Variants in FUT2 observed in about 807,000 individuals in gnomAD.
FUT2 encodes galactoside alpha-(1,2)-fucosyltransferase 2.
For synonymous variants in FUT2, 182 were observed against 193.1 expected (o/e 0.94, Z 0.48); for missense variants, 419 against 465.8 (o/e 0.90, Z 0.93).
rs769066190 is a variant in FUT2, at chr19:48,703,123, G to A, written c.167G>A (p.Gly56Glu). 1.9e-6 allele frequency: 3 copies of A among 1,613,352 alleles called. No individual in the cohort carries two copies. The highest frequency in any genetic ancestry group is 2.5e-6 in the Non-Finnish European group (3 of 1,180,028). Reference protein sequence around the residue: ...PVLASTSKALGPSQLRGMWTI... With the variant: ...PVLASTSKALEPSQLRGMWTI... ...CTAGCCTCAACATCAAAGGCACTGG[G>A]ACCCAGCCAGCTCAGGGGGATGTGG... is the stretch of plus-strand genomic sequence containing the variant. The change falls in exon 2 of 2, where the codon GGA becomes GAA. Residue 56 changes from glycine to glutamate, a missense_variant. Coordinates refer to ENST00000425340, the MANE Select transcript of FUT2 (RefSeq NM_000511.6).
In FUT2 at chr19:48,703,277, C is replaced by T; in HGVS notation, c.321C>T (p.Phe107=). ...TGCACAGCACCCTGGCCCCCATCTT[C>T]AGAATCACCCTGCCGGTGCTGCACA... ...AQMHSTLAPI[F]RITLPVLHSA... Residue 107 remains phenylalanine (F), a synonymous_variant, in exon 2 of 2, where the codon TTC becomes TTT. Transcript: ENST00000425340. 1.2e-6 allele frequency: 2 copies of T among 1,613,082 alleles called. No individual in the cohort carries two copies. The highest frequency in any genetic ancestry group is 1.7e-6 in the Non-Finnish European group (2 of 1,180,032).
At chr19:48,702,893 G>C in intron 1 of FUT2, 62 bp from the exon 2 acceptor site, 1 of 1,538,954 alleles carries the variant, frequency 6.5e-7, no homozygotes, top group Admixed American at 1.7e-5. Context: ...GCATGGCCAC[G>C]TTCACCAGCG....
At chr19:48,700,152 CAAAAAAAAAAAA>C (rs923397801) in intron 1 of FUT2, among the ~76,000 whole-genome samples, 9 of 45,300 alleles carry the variant, frequency 2.0e-4, no homozygotes, top group African/African-American at 4.9e-4. Context: ...GACTCCATCT[CAAAAAAAAAAAA>C]AAAAAAAAAA....
chr19:48,698,023 G>T (rs1237962238), intron 1 of FUT2, among the ~76,000 whole-genome samples: 1 of 129,122 alleles, frequency 7.7e-6, no homozygotes, highest in African/African-American at 2.9e-5. Context: ...TTTTTGAGAC[G>T]GAGTCTCACT....
rs1015199552 is a variant in FUT2, at chr19:48,697,912, T to A, written c.-3+1823T>A. 9.9e-5 allele frequency among the ~76,000 whole-genome samples: 15 copies of A among 151,822 alleles called. No homozygotes were observed. The East Asian group carries it at 2.9e-3, about 30-fold the overall frequency. On this transcript the variant is annotated intron_variant, in intron 1 of 1. Coordinates refer to ENST00000425340, the MANE Select transcript of FUT2 (RefSeq NM_000511.6). Reference sequence around the variant, plus strand: ...TTTCACCATATTAGTCAGGCTGGTCTCGAACTCCTGACCTCAGGTGATCCA... The same window carrying A: ...TTTCACCATATTAGTCAGGCTGGTCACGAACTCCTGACCTCAGGTGATCCA...
chr19:48,703,818 A>T lies in FUT2; in HGVS notation c.862A>T (p.Ile288Phe). 6.2e-7 allele frequency: 1 copy of T among 1,613,588 alleles called. No individual in the cohort carries two copies. Among genetic ancestry groups the T allele is most frequent in the Non-Finnish European group, 8.5e-7 (1 of 1,179,996 alleles). Residue 288 changes from isoleucine to phenylalanine, a missense_variant, in exon 2 of 2, where the codon ATT (isoleucine) becomes TTT (phenylalanine). By Grantham distance (21) the Ile-to-Phe change is conservative (BLOSUM62 0). Transcript: ENST00000425340. ...ACAGTGTAACCACACCATCATGACC[A>T]TTGGGACGTTCGGGATCTGGGCCGC... ...LTQCNHTIMT[I>F]GTFGIWAAYL...
chr19:48,704,995 C>T lies in FUT2; in HGVS notation c.*1007C>T, dbSNP rs929198875. Reference sequence around the variant, plus strand: ...GTGTAGGTTGTTCACTGCAGGAAGTCCCCTGGTTAAGAAGGCAAGTGGGGT... The same window carrying T: ...GTGTAGGTTGTTCACTGCAGGAAGTTCCCTGGTTAAGAAGGCAAGTGGGGT... On this transcript the variant is annotated 3_prime_UTR_variant, in exon 2 of 2. Coordinates refer to ENST00000425340, the MANE Select transcript of FUT2 (RefSeq NM_000511.6). 1 of 410,688 alleles carries T rather than the reference C, an allele frequency of 2.4e-6. No homozygotes were observed. The highest frequency in any genetic ancestry group is 4.4e-6 in the Non-Finnish European group (1 of 225,190). The allele number at this position is 410,688 out of a possible 1,614,324, so 25.4% of individuals were successfully genotyped here. A position where few individuals can be genotyped will look rare whatever the true frequency, so the allele number is the denominator to read the frequency against.
rs763569272 is a variant in FUT2, at chr19:48,703,523, G to A, written c.567G>A (p.Gly189=). The A allele has an allele frequency of 1.1e-5, 18 of 1,613,070 alleles. 1 individual carries two copies. The highest frequency in any genetic ancestry group is 4.5e-5 in the East Asian group (2 of 44,888). The part of the protein sequence containing the change: ...QKFLRGLQVN[G]SRPGTFVGVH... ...TCCTGCGGGGCCTGCAGGTGAACGG[G>A]AGCCGGCCGGGCACCTTTGTAGGGG... The change falls in exon 2 of 2, where the codon GGG becomes GGA. Residue 189 remains glycine (G), a synonymous_variant. Coordinates refer to ENST00000425340, the MANE Select transcript of FUT2 (RefSeq NM_000511.6).
In FUT2 at chr19:48,705,461, GT is replaced by G. The variant is rs1316048133; in HGVS notation, c.*1476del. Reference sequence around the variant, plus strand: ...CATCTGGAAGTGGAGCCTTTTTCCAGTTTGCACAAATGTGCCATATTGGCTT... The same window carrying G: ...CATCTGGAAGTGGAGCCTTTTTCCAGTTGCACAAATGTGCCATATTGGCTT... On this transcript the variant is annotated 3_prime_UTR_variant, in exon 2 of 2. Coordinates refer to ENST00000425340, the MANE Select transcript of FUT2 (RefSeq NM_000511.6). 2 of 166,986 alleles carry G rather than the reference GT, an allele frequency of 1.2e-5. No homozygotes were observed. Among genetic ancestry groups the G allele is most frequent in the African/African-American group, 4.8e-5 (2 of 41,424 alleles). 10.3% of individuals were successfully genotyped at this position (166,986 alleles called of 1,614,324 possible).
Position 48,704,993 on chromosome 19 carries a change from G to A in FUT2, c.*1005G>A, listed in dbSNP as rs28362843. On this transcript the variant is annotated 3_prime_UTR_variant, in exon 2 of 2. Coordinates refer to ENST00000425340, the MANE Select transcript of FUT2 (RefSeq NM_000511.6). Reference sequence around the variant, plus strand: ...TTGTGTAGGTTGTTCACTGCAGGAAGTCCCCTGGTTAAGAAGGCAAGTGGG... The same window carrying A: ...TTGTGTAGGTTGTTCACTGCAGGAAATCCCCTGGTTAAGAAGGCAAGTGGG... The A allele has an allele frequency of 1.3e-3, 525 of 409,592 alleles. 4 individuals are homozygous for A. Among genetic ancestry groups the A allele is most frequent in the African/African-American group, 9.8e-3 (474 of 48,588 alleles). 25.4% of individuals were successfully genotyped at this position (409,592 alleles called of 1,614,324 possible). A position where few individuals can be genotyped will look rare whatever the true frequency, so the allele number is the denominator to read the frequency against.
chr19:48,697,807 T>A (rs540318080), intron 1 of FUT2, among the ~76,000 whole-genome samples: 1 of 151,866 alleles, frequency 6.6e-6, no homozygotes, highest in South Asian at 2.1e-4. Flanking sequence ...CGATTCTCCT[T>A]CCTCAGCCTC....
At chr19:48,701,776 C>A (rs925285244) in intron 1 of FUT2, among the ~76,000 whole-genome samples, 1 of 151,832 alleles carries the variant, frequency 6.6e-6, no homozygotes, top group Non-Finnish European at 1.5e-5. Context: ...AGAAAGATCA[C>A]GAGGTCAGGA....
intron 1 of FUT2, among the ~76,000 whole-genome samples, chr19:48,701,885 C>A (rs1042503226): frequency 1.3e-5 from 2 of 151,798 alleles, no homozygotes; most frequent in Admixed American, 1.3e-4. Context: ...CCCAGCTACT[C>A]AGGAGGCTGA....
In FUT2 at chr19:48,696,008, G is replaced by A. The variant is rs899978956; in HGVS notation, c.-84G>A. ...TGGAAGGGTTTCTTTGGCCCTGAGT[G>A]AAGAGAGACCCAGAGGGAACACTGA... is the stretch of plus-strand genomic sequence containing the variant. On this transcript the variant is annotated 5_prime_UTR_variant, in exon 1 of 2. Transcript: ENST00000425340. 1 of 152,462 alleles carries A rather than the reference G, an allele frequency of 6.6e-6. No homozygotes were observed. The highest frequency in any genetic ancestry group is 2.4e-5 in the African/African-American group (1 of 41,442). The allele number at this position is 152,462 out of a possible 1,614,324, so 9.4% of individuals were successfully genotyped here. A position where few individuals can be genotyped will look rare whatever the true frequency, so the allele number is the denominator to read the frequency against.
Position 48,703,602 on chromosome 19 carries a change from G to T in FUT2, c.646G>T (p.Val216Leu). The part of the protein sequence containing the change: ...VHVMPKVWKG[V>L]VADRRYLQQA... ...TGTCATGCCAAAAGTGTGGAAGGGG[G>T]TGGTGGCCGACCGGCGATACCTACA... is the stretch of plus-strand genomic sequence containing the variant. Residue 216 changes from valine to leucine, a missense_variant, in exon 2 of 2, where the codon GTG becomes TTG. Coordinates refer to ENST00000425340, the MANE Select transcript of FUT2 (RefSeq NM_000511.6). The T allele has an allele frequency of 4.3e-6, 7 of 1,613,520 alleles. No homozygotes were observed. Among genetic ancestry groups the T allele is most frequent in the Non-Finnish European group, 5.9e-6 (7 of 1,180,026 alleles).
chr19:48,704,688 C>G lies in FUT2; in HGVS notation c.*700C>G, dbSNP rs531251556. On this transcript the variant is annotated 3_prime_UTR_variant, in exon 2 of 2. Transcript: ENST00000425340. The stretch of plus-strand genomic sequence containing the variant: ...CTTTCAAAAACAGCAGAAAGAGGCT[C>G]GTTCTTGTCTTGGTCCCTTTTGAAG... 6.1e-4 allele frequency: 252 copies of G among 414,184 alleles called. 1 individual carries two copies. Among genetic ancestry groups the G allele is most frequent in the African/African-American group, 4.1e-3 (202 of 48,736 alleles). 25.7% of individuals were successfully genotyped at this position (414,184 alleles called of 1,614,324 possible).
chr19:48,704,179 T>G lies in FUT2; in HGVS notation c.*191T>G. ...GCTCATGCCTGTAATGCTCGCACTT[T>G]GTGAGGCCAGGGTGGGTGGATCACT... On this transcript the variant is annotated 3_prime_UTR_variant, in exon 2 of 2. Coordinates refer to ENST00000425340, the MANE Select transcript of FUT2 (RefSeq NM_000511.6). 1 of 683,570 alleles carries G rather than the reference T, an allele frequency of 1.5e-6. No individual in the cohort carries two copies. The highest frequency in any genetic ancestry group is 2.7e-6 in the Non-Finnish European group (1 of 376,510). The allele number at this position is 683,570 out of a possible 1,614,324, so 42.3% of individuals were successfully genotyped here.
Position 48,705,100 on chromosome 19 carries a change from C to CTTTTTATTTTT in FUT2, c.*1117_*1118insATTTTTTTTTT. 1 of 174,944 alleles carries CTTTTTATTTTT rather than the reference C, an allele frequency of 5.7e-6. No homozygotes were observed. Among genetic ancestry groups the CTTTTTATTTTT allele is most frequent in the Non-Finnish European group, 1.2e-5 (1 of 83,838 alleles). 10.8% of individuals were successfully genotyped at this position (174,944 alleles called of 1,614,324 possible). On this transcript the variant is annotated 3_prime_UTR_variant, in exon 2 of 2. Transcript: ENST00000425340. ...CCCAGAGAGCTCACTGTTTTCTTTTCTTTTTCTTTTCTTTTTTTTTTTTTT... is the reference window on the plus strand; with the variant it reads ...CCCAGAGAGCTCACTGTTTTCTTTTCTTTTTATTTTTTTTTTCTTTTCTTTTTTTTTTTTTT...
At chr19:48,697,761 C>A (rs1400839250) in intron 1 of FUT2, among the ~76,000 whole-genome samples, 1 of 151,990 alleles carries the variant, frequency 6.6e-6, no homozygotes, top group Non-Finnish European at 1.5e-5. Flanking sequence ...ATGGTACAAT[C>A]TCGGCTCACT....
Sources: gnomAD v4.1 joint callset for allele counts (sites outside exome capture counted in the v4.1 genomes callset) on GRCh38, gnomAD v4.1.1 for gene constraint, MANE v1.5 for transcripts, NCBI Gene and HGNC (gene_info 2026-07-23, HGNC 2026-07-21) for gene names.